The following DPP10 variants were observed in gnomAD, a reference collection of about 807,000 sequenced individuals.
DPP10 encodes the protein dipeptidyl peptidase like 10, also known as inactive dipeptidyl peptidase 10.
DPP10 carries 33 observed loss-of-function variants against 120.9 expected under a neutral mutation model. The ratio of observed to expected loss-of-function variants is 0.27; its 90% confidence interval spans 0.21 to 0.37. The LOEUF is 0.37. Ranked by LOEUF, DPP10 falls within the 10% of genes least tolerant of loss-of-function variation. DPP10 has a pLI of 1.00. For synonymous variants in DPP10, 337 were observed against 326.1 expected, an observed-to-expected ratio of 1.03 and a Z score of -0.36; for missense variants, 816 against 942.8, an observed-to-expected ratio of 0.87 and a Z score of 1.76.
chr2:114,774,959 T>C (rs549375128), intron 1 of DPP10, among the ~76,000 whole-genome samples: 84 of 152,052 alleles, frequency 5.5e-4, no homozygotes, highest in Non-Finnish European at 1.1e-3. Flanking sequence ...TAGTTATTAT[T>C]ATTCACATTT....
chr2:115,166,516 A>T (rs2052865720), intron 1 of DPP10, among the ~76,000 whole-genome samples: 1 of 142,372 alleles, frequency 7.0e-6, no homozygotes, highest in Non-Finnish European at 1.5e-5. Context: ...ATATAAATTT[A>T]TAATATAAAT....
chr2:115,802,347 G>T (rs1390103427), intron 19 of DPP10, among the ~76,000 whole-genome samples: 2 of 152,140 alleles, frequency 1.3e-5, no homozygotes, highest in Non-Finnish European at 2.9e-5. Flanking sequence ...CTTCCTAGCG[G>T]TCTATCAATT....
intron 13 of DPP10, among the ~76,000 whole-genome samples, chr2:115,771,078 A>G (rs1307611628): frequency 6.6e-6 from 1 of 151,486 alleles, no homozygotes; most frequent in Non-Finnish European, 1.5e-5. Flanking sequence ...TTATTTATTT[A>G]TTTATTTATT....
At chr2:115,334,230 G>GTCTTTTTTTTTTTTTTTTTTT (rs1553554656) in intron 2 of DPP10, among the ~76,000 whole-genome samples, 1 of 56,412 alleles carries the variant, frequency 1.8e-5, no homozygotes, top group Admixed American at 2.5e-4. Context: ...AGCAGACTCT[G>GTCTTTTTTTTTTTTTTTTTTT]TTTTTTTTTT....
intron 1 of DPP10, among the ~76,000 whole-genome samples, chr2:115,173,706 A>G (rs2053519492): frequency 6.6e-6 from 1 of 152,194 alleles, no homozygotes; most frequent in African/African-American, 2.4e-5. Context: ...AGTAACATGC[A>G]CTGTGGGCTC....
chr2:114,453,759 G>C (rs1678414013), intron 1 of DPP10, among the ~76,000 whole-genome samples: 1 of 152,206 alleles, frequency 6.6e-6, no homozygotes, highest in South Asian at 2.1e-4. Flanking sequence ...ACTTTTGTTT[G>C]CTATATTCAC....
chr2:115,755,940 G>GTA lies in DPP10; in HGVS notation c.1074+2644_1074+2645insAT, dbSNP rs1679341205. Among the ~76,000 whole-genome samples the GTA allele has an allele frequency of 2.5e-5, 3 of 119,654 alleles. No individual in the cohort carries two copies. In the Admixed American group the frequency reaches 2.9e-4, roughly 12 times the overall value. 78.5% of individuals were successfully genotyped at this position (119,654 alleles called of 152,430 possible). On this transcript the variant is annotated intron_variant, in intron 11 of 25. Transcript: ENST00000410059. ...GTATGCTTTTTTAAAAAGTGTGTGTGTGTGTATATATATACATAAAACATT... is the reference window on the plus strand; with the variant it reads ...GTATGCTTTTTTAAAAAGTGTGTGTGTATGTGTATATATATACATAAAACATT...
intron 5 of DPP10, among the ~76,000 whole-genome samples, chr2:115,538,927 TTAAA>T (rs1253548000): frequency 2.0e-5 from 3 of 152,022 alleles, no homozygotes; most frequent in Admixed American, 6.6e-5. Context: ...CATGATATGT[TTAAA>T]TAATATTTGG....
At chr2:115,163,230 A>G (rs1339139760) in intron 1 of DPP10, among the ~76,000 whole-genome samples, 1 of 152,146 alleles carries the variant, frequency 6.6e-6, no homozygotes, top group Admixed American at 6.5e-5. Flanking sequence ...GAGCTGTCCA[A>G]ATCGCCCAGG....
intron 1 of DPP10, among the ~76,000 whole-genome samples, chr2:114,976,512 C>T (rs1699765924): frequency 6.6e-6 from 1 of 152,130 alleles, no homozygotes. Flanking sequence ...CTGCCTGTTG[C>T]CTTTTTCCTC....
chr2:114,652,219 A>C (rs1012008877), intron 1 of DPP10, among the ~76,000 whole-genome samples: 3 of 152,302 alleles, frequency 2.0e-5, no homozygotes, highest in Non-Finnish European at 4.4e-5. Context: ...TTAAGACTTT[A>C]AGTGAATTTC....
chr2:115,515,697 G>T (rs556183507), intron 4 of DPP10, among the ~76,000 whole-genome samples: 1 of 152,090 alleles, frequency 6.6e-6, no homozygotes, highest in East Asian at 1.9e-4. Flanking sequence ...GTTGAAACTG[G>T]CCTGAAAGAA....
chr2:115,152,934 G>A (rs903926982), intron 1 of DPP10, among the ~76,000 whole-genome samples: 1 of 152,206 alleles, frequency 6.6e-6, no homozygotes, highest in Non-Finnish European at 1.5e-5. Flanking sequence ...AGTATAATGA[G>A]TAGGATGAAC....
intron 1 of DPP10, among the ~76,000 whole-genome samples, chr2:114,467,318 C>A (rs1056948577): frequency 3.3e-5 from 5 of 152,092 alleles, no homozygotes; most frequent in African/African-American, 1.2e-4. Context: ...GAAATGAAGG[C>A]CTTCTAGACG....
Position 115,845,716 on chromosome 2 carries a change from A to G in DPP10, c.*3371A>G, listed in dbSNP as rs994609933. On this transcript the variant is annotated 3_prime_UTR_variant, in exon 26 of 26. Coordinates refer to ENST00000410059, the MANE Select transcript of DPP10 (RefSeq NM_020868.6). ...TTATCACTGTGAATATTACAGGAGG[A>G]GAAATAAAATAAGAATAAATCAGTG... is the stretch of plus-strand genomic sequence containing the variant. 16 of 152,192 alleles carry G rather than the reference A, an allele frequency of 1.1e-4. No homozygotes were observed. The highest frequency in any genetic ancestry group is 7.3e-5 in the Non-Finnish European group (5 of 68,046). The allele number at this position is 152,192 out of a possible 1,614,324, so 9.4% of individuals were successfully genotyped here.
chr2:115,357,686 C>T lies in DPP10; in HGVS notation c.271+13774C>T, dbSNP rs2064488417. ...TGGGGCCACTATGTGGGGGCTCCTACTCCACATTTTCCTTCTGCTCTATCC... is the reference window on the plus strand; with the variant it reads ...TGGGGCCACTATGTGGGGGCTCCTATTCCACATTTTCCTTCTGCTCTATCC... On this transcript the variant is annotated intron_variant, in intron 3 of 25. Transcript: ENST00000410059. 2.0e-5 allele frequency among the ~76,000 whole-genome samples: 3 copies of T among 152,224 alleles called. 1 individual carries two copies. Among genetic ancestry groups the T allele is most frequent in the Admixed American group, 2.0e-4 (3 of 15,278 alleles).
chr2:115,436,107 G>A (rs1234414130), intron 3 of DPP10, among the ~76,000 whole-genome samples: 1 of 151,800 alleles, frequency 6.6e-6, no homozygotes, highest in Non-Finnish European at 1.5e-5. Context: ...GGTCAAAAGG[G>A]TGAAAAATGT....
intron 1 of DPP10, among the ~76,000 whole-genome samples, chr2:115,255,634 T>C (rs921007684): frequency 6.6e-6 from 1 of 152,232 alleles, no homozygotes; most frequent in Non-Finnish European, 1.5e-5. Context: ...AATTGTCTTC[T>C]ACCAGATATC....
At position 114,698,726 on chromosome 2, in the gene DPP10, T is replaced by C. The variant is rs182349350; in HGVS notation, c.60+255888T>C. Among the ~76,000 whole-genome samples, 669 of 152,180 alleles carry C rather than the reference T, an allele frequency of 4.4e-3. 1 individual carries two copies. The highest frequency in any genetic ancestry group is 4.9e-3 in the Admixed American group (75 of 15,274). On this transcript the variant is annotated intron_variant, in intron 1 of 25. Coordinates refer to ENST00000410059, the MANE Select transcript of DPP10 (RefSeq NM_020868.6). ...GAACAAGGCCCTTAGAAGTGACTCA[T>C]GGTGTGAATAAATTCCAGAGAGCAA... is the stretch of plus-strand genomic sequence containing the variant.
Sources: allele counts gnomAD v4.1 joint callset (sites outside exome capture counted in the v4.1 genomes callset), GRCh38; gene constraint gnomAD v4.1.1; transcripts MANE v1.5; gene names NCBI Gene and HGNC (gene_info 2026-07-23, HGNC 2026-07-21).